ERBB4: variants seen among roughly 807,000 people sequenced by gnomAD.
ERBB4 encodes the protein receptor tyrosine-protein kinase erbB-4.
Under a neutral mutation model 158.0 loss-of-function variants are expected in ERBB4, and 42 were observed. The ratio of observed to expected loss-of-function variants is 0.27; its 90% CI spans 0.21 to 0.34. The LOEUF (loss-of-function observed/expected upper bound fraction) is 0.34. ERBB4 is among the 10% of genes least tolerant of loss of function. The pLI, the probability that ERBB4 is intolerant of heterozygous loss-of-function variation, is 1.00. For synonymous variants in ERBB4, 583 were observed against 558.7 expected (o/e 1.04, Z -0.61); for missense variants, 1,333 against 1,624.1 (o/e 0.82, Z 3.08).
intron 1 of ERBB4, among the ~76,000 whole-genome samples, chr2:212,400,126 C>A (rs904568579): frequency 7.9e-5 from 12 of 152,140 alleles, no homozygotes; most frequent in African/African-American, 2.7e-4. Flanking sequence ...AGAAAGATGA[C>A]AAAACCCTCA....
Position 211,387,946 on chromosome 2 carries a change from C to G in ERBB4, c.3182G>C (p.Gly1061Ala). 6.2e-7 allele frequency: 1 copy of G among 1,607,280 alleles called. No individual in the cohort carries two copies. ...GAAGGTTGATTGTGAAATACTTACT[C>G]CTGACATGGGGGTGTAGGCAGGAGG... Reference protein sequence around the residue: ...SPPPAYTPMSGNQFVYRDGGF... With the variant: ...SPPPAYTPMSANQFVYRDGGF... The change falls in exon 26 of 28, where the codon GGA becomes GCA. Residue 1061 changes from glycine to alanine, a missense_variant and splice_region_variant. Physicochemically the swap from Gly to Ala is moderately conservative, Grantham distance 60 (BLOSUM62 0). This residue lies in a region of ERBB4 where 252 missense variants were observed against 241.3 expected (regional missense o/e 1.04). Coordinates refer to ENST00000342788, the MANE Select transcript of ERBB4 (RefSeq NM_005235.3).
chr2:211,530,100 A>G (rs1439779210), intron 20 of ERBB4, among the ~76,000 whole-genome samples: 1 of 152,138 alleles, frequency 6.6e-6, no homozygotes. Context: ...AGAAAAACCT[A>G]AAGACTCCAC....
In ERBB4 at chr2:212,300,911, A is replaced by G. The variant is rs528684533; in HGVS notation, c.83-176008T>C. ...CAATACCTCTACATGTGCTTCACTC[A>G]GGTCTCTATAAAGTAAAGATGCTTT... On this transcript the variant is annotated intron_variant, in intron 1 of 27. Transcript: ENST00000342788. 3.2e-4 allele frequency among the ~76,000 whole-genome samples: 49 copies of G among 151,642 alleles called. No individual in the cohort carries two copies. The South Asian group carries it at 5.0e-3, about 15-fold the overall frequency.
At chr2:211,390,274 T>C (rs1574394507) in intron 25 of ERBB4, among the ~76,000 whole-genome samples, 1 of 152,188 alleles carries the variant, frequency 6.6e-6, no homozygotes, top group African/African-American at 2.4e-5. Context: ...AAGAAAGACA[T>C]GGCCACTGTC....
At chr2:212,335,588 C>T (rs1415807184) in intron 1 of ERBB4, among the ~76,000 whole-genome samples, 4 of 151,868 alleles carry the variant, frequency 2.6e-5, no homozygotes, top group Non-Finnish European at 4.4e-5. Flanking sequence ...TAAGGAATGC[C>T]ATTTTATGAA....
chr2:211,707,507 G>A (rs1261334525), intron 9 of ERBB4, among the ~76,000 whole-genome samples: 1 of 152,164 alleles, frequency 6.6e-6, no homozygotes, highest in Non-Finnish European at 1.5e-5. Flanking sequence ...TTATCATCGA[G>A]TTTATTATTT....
chr2:212,243,466 C>T (rs535250522), intron 1 of ERBB4, among the ~76,000 whole-genome samples: 3 of 152,258 alleles, frequency 2.0e-5, no homozygotes, highest in African/African-American at 7.2e-5. Context: ...CCTATCATAT[C>T]TGTAAATTTT....
At chr2:211,851,982 T>C (rs183039003) in intron 3 of ERBB4, among the ~76,000 whole-genome samples, 577 of 152,046 alleles carry the variant, frequency 3.8e-3, no homozygotes, top group African/African-American at 0.013. Flanking sequence ...TCTTGTGAAA[T>C]AGTCACAGAA....
chr2:211,723,300 T>A (rs1462430544), intron 6 of ERBB4, among the ~76,000 whole-genome samples: 2 of 152,114 alleles, frequency 1.3e-5, no homozygotes, highest in African/African-American at 2.4e-5. Context: ...GTACTTGATA[T>A]AAAAACAGAA....
rs1194166603 is a variant in ERBB4 at position 211,376,235 on chromosome 2, A to G, written c.*7380T>C. ...GAACACAGAATCACAAGTAATGTCA[A>G]AATGATAACTTCCAACCAAAAAAGA... On this transcript the variant is annotated 3_prime_UTR_variant, in exon 28 of 28. Transcript: ENST00000342788. The G allele has an allele frequency of 4.3e-6, 1 of 233,024 alleles. No individual in the cohort carries two copies. The highest frequency in any genetic ancestry group is 8.5e-6 in the Non-Finnish European group (1 of 117,738). The allele number at this position is 233,024 out of a possible 1,614,324, so 14.4% of individuals were successfully genotyped here. A position where few individuals can be genotyped will look rare whatever the true frequency, so the allele number is the denominator to read the frequency against.
At chr2:212,240,457 C>G (rs1349945923) in intron 1 of ERBB4, among the ~76,000 whole-genome samples, 2 of 151,370 alleles carry the variant, frequency 1.3e-5, no homozygotes, top group Non-Finnish European at 2.9e-5. Flanking sequence ...ATGGTGAAAC[C>G]CTGTCTCCAC....
At chr2:211,582,275 G>C (rs574115315) in intron 19 of ERBB4, among the ~76,000 whole-genome samples, 12 of 152,246 alleles carry the variant, frequency 7.9e-5, no homozygotes, top group African/African-American at 2.6e-4. Flanking sequence ...TTATTGCTTT[G>C]TTTTTGGTCT....
intron 20 of ERBB4, among the ~76,000 whole-genome samples, chr2:211,537,422 T>C (rs2066686074): frequency 6.6e-6 from 1 of 152,022 alleles, no homozygotes; most frequent in South Asian, 2.1e-4. Context: ...ATCATTTAGT[T>C]TGGCAATGAG....
intron 1 of ERBB4, among the ~76,000 whole-genome samples, chr2:212,191,978 ATATGT>A (rs2082262135): frequency 2.0e-5 from 2 of 100,314 alleles, no homozygotes; most frequent in Non-Finnish European, 3.8e-5. Context: ...TATATGTTAT[ATATGT>A]TATATGTTAT....
intron 19 of ERBB4, among the ~76,000 whole-genome samples, chr2:211,564,403 A>G (rs2067490262): frequency 6.6e-6 from 1 of 152,202 alleles, no homozygotes; most frequent in South Asian, 2.1e-4. Context: ...AGAACTGTGG[A>G]CTGTGGATAT....
chr2:212,017,110 T>A (rs1237273231), intron 2 of ERBB4, among the ~76,000 whole-genome samples: 2 of 152,188 alleles, frequency 1.3e-5, no homozygotes, highest in Admixed American at 6.5e-5. Flanking sequence ...TCTTTCAATA[T>A]GATAAAAACA....
Position 212,119,429 on chromosome 2 carries a change from A to T in ERBB4, c.234+5323T>A, listed in dbSNP as rs561176594. ...GTGCCAGCAGTAGCAAAGAAGACCA[A>T]TGGAATGACAAAGGAGAGAAAGCTC... is the stretch of plus-strand genomic sequence containing the variant. On this transcript the variant is annotated intron_variant, in intron 2 of 27. Transcript: ENST00000342788. Among the ~76,000 whole-genome samples, 781 of 152,302 alleles carry T rather than the reference A, an allele frequency of 5.1e-3. 6 individuals carry two copies. Among genetic ancestry groups the T allele is most frequent in the African/African-American group, 0.018 (742 of 41,588 alleles).
intron 1 of ERBB4, among the ~76,000 whole-genome samples, chr2:212,481,421 G>A (rs1346797640): frequency 6.6e-6 from 1 of 151,996 alleles, no homozygotes; most frequent in South Asian, 2.1e-4. Flanking sequence ...GCACAAAGAG[G>A]GGTACTTTTT....
chr2:212,091,683 T>C (rs980229805), intron 2 of ERBB4, among the ~76,000 whole-genome samples: 64 of 152,296 alleles, frequency 4.2e-4, no homozygotes, highest in African/African-American at 1.3e-3. Context: ...TTTGTATATG[T>C]ATAGTGAAAC....
Sources: gnomAD v4.1 joint callset for allele counts (sites outside exome capture counted in the v4.1 genomes callset) on GRCh38, gnomAD v4.1.1 for gene constraint, gnomAD v4.1.1 regional missense constraint, MANE v1.5 for transcripts, NCBI Gene and HGNC (gene_info 2026-07-23, HGNC 2026-07-21) for gene names.